Variants in NECAB1 observed in about 807,000 individuals in gnomAD.
NECAB1 encodes the protein N-terminal EF-hand calcium binding protein 1.
Under a neutral mutation model 57.5 loss-of-function variants are expected in NECAB1, and 29 were observed. The observed-to-expected ratio is 0.50, with a 90% CI of 0.38 to 0.69. The LOEUF is 0.69. Among genes scored for constraint, NECAB1 ranks in the 30% least tolerant of loss-of-function variants. The probability of loss-of-function intolerance (pLI) is 0.00; values close to 1 mark genes in which losing one functional copy is unlikely to be tolerated. For synonymous variants in NECAB1, 142 were observed against 147.7 expected, an observed-to-expected ratio of 0.96 and a Z score of 0.28; for missense variants, 372 against 413.8, an observed-to-expected ratio of 0.90 and a Z score of 0.88.
chr8:90,824,584 C>T, intron 2 of NECAB1, 133 bp from the exon 3 acceptor site: 1 of 483,996 alleles, frequency 2.1e-6, no homozygotes. Flanking sequence ...TTCTTTTTAA[C>T]ACCTTCAGCT....
At chr8:90,939,888 G>C (rs184644696) in intron 9 of NECAB1, among the ~76,000 whole-genome samples, 101 of 152,274 alleles carry the variant, frequency 6.6e-4, no homozygotes, top group African/African-American at 2.2e-3. Context: ...TACATAGCTG[G>C]TATTACTGTG....
chr8:90,896,608 A>AAAAAAAC lies in NECAB1; in HGVS notation c.357+15483_357+15484insACAAAAA, dbSNP rs1554572845. ...CGACAGAGCGAGACTCCGTCTCAAA[A>AAAAAAAC]AAAAACAAAAACAAAAACAAAAACA... On this transcript the variant is annotated intron_variant, in intron 5 of 12. Transcript: ENST00000417640. Among the ~76,000 whole-genome samples the AAAAAAAC allele has an allele frequency of 3.7e-4, 55 of 150,062 alleles. 1 individual carries two copies. The highest frequency in any genetic ancestry group is 3.4e-3 in the Middle Eastern group (1 of 290).
At chr8:90,795,415 T>C (rs1223836026) in intron 1 of NECAB1, among the ~76,000 whole-genome samples, 2 of 152,162 alleles carry the variant, frequency 1.3e-5, no homozygotes, top group Non-Finnish European at 2.9e-5. Context: ...TGGAAAGTTG[T>C]GAGGGGGATG....
At chr8:90,913,079 A>G (rs1681387113) in intron 5 of NECAB1, among the ~76,000 whole-genome samples, 1 of 152,190 alleles carries the variant, frequency 6.6e-6, no homozygotes, top group South Asian at 2.1e-4. Flanking sequence ...CTGATGCTCT[A>G]ATTTTCCTAA....
chr8:90,834,620 C>T (rs2129729542), intron 3 of NECAB1, among the ~76,000 whole-genome samples: 1 of 152,276 alleles, frequency 6.6e-6, no homozygotes, highest in South Asian at 2.1e-4. Flanking sequence ...ATTACCCAGT[C>T]TGAAGTATTT....
At chr8:90,845,002 A>G (rs1812529379) in intron 3 of NECAB1, among the ~76,000 whole-genome samples, 1 of 152,196 alleles carries the variant, frequency 6.6e-6, no homozygotes, top group African/African-American at 2.4e-5. Flanking sequence ...GGTGAAGACC[A>G]AGGAAGAACT....
chr8:90,892,635 T>G (rs968965181), intron 5 of NECAB1, among the ~76,000 whole-genome samples: 2 of 152,224 alleles, frequency 1.3e-5, no homozygotes, highest in African/African-American at 2.4e-5. Flanking sequence ...TTGTCCTTAA[T>G]GTTGGTCACG....
chr8:90,834,844 A>G (rs1256796071), intron 3 of NECAB1, among the ~76,000 whole-genome samples: 1 of 151,990 alleles, frequency 6.6e-6, no homozygotes, highest in African/African-American at 2.4e-5. Flanking sequence ...TTGCTTTTAG[A>G]TTTCTTTTCC....
At chr8:90,847,215 G>A (rs972469570) in intron 3 of NECAB1, among the ~76,000 whole-genome samples, 5 of 152,166 alleles carry the variant, frequency 3.3e-5, no homozygotes, top group African/African-American at 9.7e-5. Flanking sequence ...AAAACAAAGG[G>A]GCCACAGGCC....
At chr8:90,870,013 AGTG>A (rs1453434261) in intron 3 of NECAB1, among the ~76,000 whole-genome samples, 67 of 152,244 alleles carry the variant, frequency 4.4e-4, no homozygotes, top group African/African-American at 1.4e-3. Context: ...TTCTTGTGAT[AGTG>A]AGTAAGGTCT....
chr8:90,847,438 T>G (rs563040517), intron 3 of NECAB1, among the ~76,000 whole-genome samples: 1 of 152,204 alleles, frequency 6.6e-6, no homozygotes, highest in Non-Finnish European at 1.5e-5. Flanking sequence ...AGGTGCACAG[T>G]GTAAGCTGTT....
chr8:90,942,964 T>G (rs887344061), intron 10 of NECAB1, among the ~76,000 whole-genome samples: 7 of 152,216 alleles, frequency 4.6e-5, no homozygotes, highest in Non-Finnish European at 7.3e-5. Flanking sequence ...AGTAAACTCT[T>G]TTTAATGAGG....
chr8:90,942,468 G>A (rs974232307), intron 10 of NECAB1, among the ~76,000 whole-genome samples: 12 of 152,132 alleles, frequency 7.9e-5, no homozygotes, highest in African/African-American at 2.7e-4. Context: ...TCTATTTCAC[G>A]CCAGACTCAG....
intron 5 of NECAB1, among the ~76,000 whole-genome samples, chr8:90,896,846 C>T (rs1809357540): frequency 6.6e-6 from 1 of 152,132 alleles, no homozygotes; most frequent in Non-Finnish European, 1.5e-5. Flanking sequence ...TACCTGCTAC[C>T]TGCTCTGCCC....
At chr8:90,944,937 G>A (rs1336764148) in intron 10 of NECAB1, among the ~76,000 whole-genome samples, 1 of 152,132 alleles carries the variant, frequency 6.6e-6, no homozygotes, top group African/African-American at 2.4e-5. Flanking sequence ...TCACACTGTT[G>A]CCCAGGCTGA....
intron 3 of NECAB1, among the ~76,000 whole-genome samples, chr8:90,858,540 C>G (rs1812837222): frequency 1.3e-5 from 2 of 151,164 alleles, no homozygotes; most frequent in South Asian, 4.2e-4. Context: ...AGAGTATATC[C>G]ATGAATATCT....
At chr8:90,848,806 GA>G (rs1386768979) in intron 3 of NECAB1, among the ~76,000 whole-genome samples, 3 of 152,110 alleles carry the variant, frequency 2.0e-5, no homozygotes, top group Non-Finnish European at 4.4e-5. Context: ...CCAACATGGT[GA>G]AACCCTGTCT....
intron 5 of NECAB1, among the ~76,000 whole-genome samples, chr8:90,889,035 T>A (rs1809084396): frequency 6.6e-6 from 1 of 152,190 alleles, no homozygotes; most frequent in Non-Finnish European, 1.5e-5. Context: ...AGGAGATGTT[T>A]TCATCAGTTG....
At chr8:90,944,566 G>A (rs929219431) in intron 10 of NECAB1, among the ~76,000 whole-genome samples, 34 of 152,176 alleles carry the variant, frequency 2.2e-4, no homozygotes, top group African/African-American at 8.2e-4. Context: ...TATAAGTGGT[G>A]TACACGGTAT....
Sources: gnomAD v4.1 joint callset for allele counts (sites outside exome capture counted in the v4.1 genomes callset) on GRCh38, gnomAD v4.1.1 for gene constraint, MANE v1.5 for transcripts, NCBI Gene and HGNC (gene_info 2026-07-23, HGNC 2026-07-21) for gene names.